Variants in SMYD3 observed in about 807,000 individuals in gnomAD.
SMYD3 encodes SET and MYND domain containing 3.
SMYD3 carries 36 observed loss-of-function variants against 57.7 expected under a neutral mutation model. That is an observed-to-expected ratio of 0.62 (90% CI 0.48 to 0.82). The LOEUF (loss-of-function observed/expected upper bound fraction) is 0.82, where lower values mean the gene tolerates loss of function less well. Among genes scored for constraint, SMYD3 ranks in the 40% least tolerant of loss-of-function variants. The pLI, the probability that SMYD3 is intolerant of heterozygous loss-of-function variation, is 0.00. For missense variants in SMYD3, 515 were observed against 538.8 expected, an observed-to-expected ratio of 0.96 and a Z score of 0.44; for synonymous variants, 211 against 195.0, an observed-to-expected ratio of 1.08 and a Z score of -0.68.
chr1:246,405,074 C>A (rs1261791887), intron 1 of SMYD3, among the ~76,000 whole-genome samples: 1 of 152,114 alleles, frequency 6.6e-6, no homozygotes, highest in Non-Finnish European at 1.5e-5. Context: ...ACCTCAGCCT[C>A]CCAAGTAGCT....
intron 7 of SMYD3, among the ~76,000 whole-genome samples, chr1:245,916,773 A>G (rs1337776518): frequency 6.6e-6 from 1 of 152,104 alleles, no homozygotes; most frequent in Non-Finnish European, 1.5e-5. Context: ...CTCTAGCCAG[A>G]GTGATTCACA....
chr1:246,349,938 T>G (rs918748673), intron 2 of SMYD3, among the ~76,000 whole-genome samples: 2 of 152,188 alleles, frequency 1.3e-5, no homozygotes, highest in African/African-American at 4.8e-5. Flanking sequence ...ATAATCACTT[T>G]GAATATCAAT....
chr1:246,074,336 TCC>T (rs1007415595), intron 5 of SMYD3, among the ~76,000 whole-genome samples: 1 of 151,124 alleles, frequency 6.6e-6, no homozygotes, highest in African/African-American at 2.5e-5. Context: ...AAAATTATCT[TCC>T]TTTTTTATTG....
At chr1:246,245,720 C>T (rs1349067967) in intron 5 of SMYD3, among the ~76,000 whole-genome samples, 1 of 152,194 alleles carries the variant, frequency 6.6e-6, no homozygotes, top group African/African-American at 2.4e-5. Flanking sequence ...TTCTGCATCA[C>T]TTCCTGACTT....
intron 5 of SMYD3, among the ~76,000 whole-genome samples, chr1:245,994,799 T>TAA (rs11403779): frequency 3.4e-5 from 5 of 146,262 alleles, no homozygotes; most frequent in African/African-American, 1.0e-4. Flanking sequence ...TGAAGAAACT[T>TAA]AAAAAAAAAA....
chr1:246,307,974 TCAGCACTGA>T (rs2065015866), intron 5 of SMYD3, among the ~76,000 whole-genome samples: 2 of 152,122 alleles, frequency 1.3e-5, no homozygotes, highest in Non-Finnish European at 2.9e-5. Context: ...TTCTAGGAAG[TCAGCACTGA>T]CTCTTCCACC....
chr1:246,377,955 G>A (rs764081504), intron 1 of SMYD3, among the ~76,000 whole-genome samples: 16 of 152,110 alleles, frequency 1.1e-4, no homozygotes, highest in Non-Finnish European at 1.8e-4. Flanking sequence ...ACATTCTGCC[G>A]GTCTGATGGG....
chr1:246,295,287 G>A (rs552775847), intron 5 of SMYD3, among the ~76,000 whole-genome samples: 1 of 152,296 alleles, frequency 6.6e-6, no homozygotes, highest in South Asian at 2.1e-4. Context: ...CTGCTGCCCA[G>A]CAGCATAAAA....
intron 11 of SMYD3, among the ~76,000 whole-genome samples, chr1:245,757,257 C>G (rs2045645269): frequency 2.0e-5 from 3 of 152,050 alleles, no homozygotes; most frequent in Non-Finnish European, 4.4e-5. Context: ...CTCTGTCAGG[C>G]TTATTTCACT....
At chr1:246,251,093 TG>T (rs2063791466) in intron 5 of SMYD3, among the ~76,000 whole-genome samples, 2 of 152,218 alleles carry the variant, frequency 1.3e-5, no homozygotes, top group Non-Finnish European at 2.9e-5. Context: ...ATTTGTCCTT[TG>T]GGCTACATGT....
At position 245,927,958 on chromosome 1, in the gene SMYD3, T is replaced by G. The variant is rs752451818; in HGVS notation, c.675A>C (p.Ala225=). ...CCTCTCCCACCTCGATGTCTCGGAC[T>G]GCTCGCAGTAAGAGGTGGGGCCCAT... ...VFNGPHLLLR[A]VRDIEVGEEL... is the part of the protein sequence containing the mutation. Residue 225 remains alanine, a synonymous_variant, in exon 7 of 12, where the codon GCA becomes GCC. Transcript: ENST00000490107. 15 of 1,612,530 alleles carry G rather than the reference T, an allele frequency of 9.3e-6. No individual in the cohort carries two copies. The highest frequency in any genetic ancestry group is 1.3e-5 in the Non-Finnish European group (15 of 1,179,174).
intron 5 of SMYD3, among the ~76,000 whole-genome samples, chr1:246,108,354 A>G (rs2061168180): frequency 6.6e-6 from 1 of 152,202 alleles, no homozygotes; most frequent in Non-Finnish European, 1.5e-5. Context: ...AGGTTACGCT[A>G]TGAATACAGG....
At chr1:246,442,781 C>G (rs527936093) in intron 1 of SMYD3, among the ~76,000 whole-genome samples, 246 of 152,136 alleles carry the variant, frequency 1.6e-3, no homozygotes, top group African/African-American at 5.5e-3. Context: ...AACACTGGTA[C>G]TGCTTCCTCA....
At chr1:246,057,127 T>C (rs1314391123) in intron 5 of SMYD3, among the ~76,000 whole-genome samples, 1 of 152,198 alleles carries the variant, frequency 6.6e-6, no homozygotes, top group Non-Finnish European at 1.5e-5. Context: ...ACATTGTCTA[T>C]AAAAATAACA....
intron 10 of SMYD3, among the ~76,000 whole-genome samples, chr1:245,791,652 G>C (rs145240621): frequency 1.6e-3 from 251 of 152,302 alleles, no homozygotes; most frequent in African/African-American, 5.7e-3. Flanking sequence ...GCATGCTCAT[G>C]AGTACATCAG....
rs1383454954 is a variant in SMYD3 at position 246,363,139 on chromosome 1, C to T, written c.165-8045G>A. Reference sequence around the variant, plus strand: ...CCGTCTGAGAAGTGAGGAGCCCCTCCGCCCGGCAGCCGCCCCGTCTGAGAA... The same window carrying T: ...CCGTCTGAGAAGTGAGGAGCCCCTCTGCCCGGCAGCCGCCCCGTCTGAGAA... On this transcript the variant is annotated intron_variant, in intron 1 of 11. Transcript: ENST00000490107. Among the ~76,000 whole-genome samples the T allele has an allele frequency of 6.7e-5, 10 of 148,848 alleles. No individual in the cohort carries two copies. In the East Asian group the frequency reaches 1.6e-3, roughly 24 times the overall value.
At chr1:246,330,894 G>A (rs1242383059) in intron 3 of SMYD3, among the ~76,000 whole-genome samples, 1 of 152,168 alleles carries the variant, frequency 6.6e-6, no homozygotes, top group South Asian at 2.1e-4. Context: ...CGATACTTTG[G>A]GAGGCCGAGG....
Position 245,917,306 on chromosome 1 carries a change from G to A in SMYD3, c.703-1666C>T, listed in dbSNP as rs779011148. 1.4e-4 allele frequency among the ~76,000 whole-genome samples: 21 copies of A among 152,338 alleles called. 1 individual carries two copies. Among genetic ancestry groups the A allele is most frequent in the Admixed American group, 6.5e-4 (10 of 15,310 alleles). On this transcript the variant is annotated intron_variant, in intron 7 of 11. Coordinates refer to ENST00000490107, the MANE Select transcript of SMYD3 (RefSeq NM_001167740.2). ...CTTGACCTCCCATGGAATTACAGGC[G>A]TAAGCCACTGCACCCAGCCCTTCAT...
At chr1:245,766,516 T>C (rs1208866025) in intron 10 of SMYD3, among the ~76,000 whole-genome samples, 1 of 151,918 alleles carries the variant, frequency 6.6e-6, no homozygotes, top group East Asian at 1.9e-4. Context: ...GTCAATCACT[T>C]TACCTCTCAC....
Sources: gnomAD v4.1 joint callset for allele counts (sites outside exome capture counted in the v4.1 genomes callset) on GRCh38, gnomAD v4.1.1 for gene constraint, MANE v1.5 for transcripts, NCBI Gene and HGNC (gene_info 2026-07-23, HGNC 2026-07-21) for gene names.